The following CD44 variants were observed in gnomAD, a reference collection of about 807,000 sequenced individuals.
CD44 encodes the protein CD44 molecule (IN blood group).
Under a neutral mutation model 88.8 loss-of-function variants are expected in CD44, and 49 were observed. The ratio of observed to expected loss-of-function variants is 0.55; its 90% CI spans 0.44 to 0.70. The LOEUF (loss-of-function observed/expected upper bound fraction) is 0.70. Among genes scored for constraint, CD44 ranks in the 30% least tolerant of loss-of-function variants. The probability of loss-of-function intolerance (pLI) is 0.00; values close to 1 mark genes in which losing one functional copy is unlikely to be tolerated. For missense variants in CD44, 883 were observed against 913.8 expected, an observed-to-expected ratio of 0.97 and a Z score of 0.43; for synonymous variants, 325 against 312.3, an observed-to-expected ratio of 1.04 and a Z score of -0.43.
Position 35,189,865 on chromosome 11 carries a change from T to A in CD44, c.467T>A (p.Val156Asp). 2 of 1,614,040 alleles carry A rather than the reference T, an allele frequency of 1.2e-6. No individual in the cohort carries two copies. Among genetic ancestry groups the A allele is most frequent in the Non-Finnish European group, 1.7e-6 (2 of 1,179,936 alleles). ...TIVNRDGTRY[V>D]QKGEYRTNPE... ...GTTAACCGTGATGGCACCCGCTATG[T>A]CCAGAAAGGAGAATACAGAACGAAT... Residue 156 changes from valine (V) to aspartate (D), a missense_variant, in exon 5 of 18, where the codon GTC becomes GAC. This residue lies in a region of CD44 where 252 missense variants were observed against 322.9 expected (regional missense o/e 0.78). Transcript: ENST00000428726.
intron 1 of CD44, among the ~76,000 whole-genome samples, chr11:35,146,074 G>A (rs1426063577): frequency 2.6e-5 from 4 of 151,214 alleles, no homozygotes; most frequent in Non-Finnish European, 4.4e-5. Flanking sequence ...TGGGGGTGGG[G>A]AACGATGGAA....
intron 7 of CD44, 109 bp from the exon 8 acceptor site, chr11:35,200,973 G>A (rs1167984065): frequency 1.2e-6 from 1 of 807,304 alleles, no homozygotes; most frequent in Non-Finnish European, 2.2e-6. Flanking sequence ...ATACAACCTG[G>A]TATAGATGAT....
chr11:35,184,267 G>A (rs1383714759), intron 3 of CD44, among the ~76,000 whole-genome samples: 1 of 152,168 alleles, frequency 6.6e-6, no homozygotes, highest in Non-Finnish European at 1.5e-5. Context: ...GAGCATGAAG[G>A]GGGTCCATGT....
intron 4 of CD44, among the ~76,000 whole-genome samples, chr11:35,187,964 C>T (rs1945859240): frequency 6.6e-6 from 1 of 152,166 alleles, no homozygotes. Context: ...CTCAGCCTCC[C>T]AAAGTGCCAG....
At chr11:35,165,041 T>A (rs945610805) in intron 1 of CD44, among the ~76,000 whole-genome samples, 1 of 152,136 alleles carries the variant, frequency 6.6e-6, no homozygotes, top group Non-Finnish European at 1.5e-5. Flanking sequence ...TCTTAGGGCT[T>A]TGTGGTGGGT....
intron 11 of CD44, 82 bp from the exon 12 acceptor site, chr11:35,208,023 A>G (rs1948044031): frequency 8.7e-6 from 7 of 805,428 alleles, no homozygotes; most frequent in South Asian, 2.8e-5. Context: ...TGAATATTTA[A>G]AAAAATCAGC....
intron 9 of CD44, 106 bp from the exon 10 acceptor site, chr11:35,204,406 A>G (rs1331035278): frequency 9.6e-7 from 1 of 1,047,006 alleles, no homozygotes; most frequent in African/African-American, 1.6e-5. Context: ...TTTCTTTTCT[A>G]CCTTCCCTCC....
intron 15 of CD44, chr11:35,219,095 C>A (rs1949080570): frequency 5.5e-6 from 3 of 546,876 alleles, no homozygotes; most frequent in Non-Finnish European, 9.9e-6. Flanking sequence ...TGAGAATTCT[C>A]ATGTTCCTTG....
At chr11:35,206,059 C>A in intron 10 of CD44, 53 bp from the exon 11 acceptor site, 1 of 1,549,600 alleles carries the variant, frequency 6.5e-7, no homozygotes, top group Non-Finnish European at 8.7e-7. Context: ...CGGTGTATCC[C>A]TGACCAAGCG....
At chr11:35,181,902 A>ATG (rs1565080510) in intron 3 of CD44, among the ~76,000 whole-genome samples, 1 of 59,710 alleles carries the variant, frequency 1.7e-5, no homozygotes, top group Non-Finnish European at 2.9e-5. Context: ...ATAATATAAT[A>ATG]TATAATATAT....
chr11:35,217,355 A>C (rs1948921287), intron 15 of CD44, among the ~76,000 whole-genome samples: 1 of 147,954 alleles, frequency 6.8e-6, no homozygotes, highest in Non-Finnish European at 1.5e-5. Flanking sequence ...GAGTCAGAAA[A>C]GAAAAAAAAA....
intron 1 of CD44, among the ~76,000 whole-genome samples, chr11:35,155,919 G>A (rs1043861062): frequency 4.6e-5 from 7 of 152,096 alleles, no homozygotes; most frequent in East Asian, 1.9e-4. Flanking sequence ...TATTAACATC[G>A]TGGTTGGCAT....
In CD44 at chr11:35,139,309, C is replaced by A. The variant is rs761731619; in HGVS notation, c.6C>A (p.Asp2Glu). The A allele has an allele frequency of 3.3e-5, 51 of 1,561,232 alleles. No homozygotes were observed. The South Asian group carries it at 5.8e-4, about 18-fold the overall frequency. ...CTCCGTTCGCTCCGGACACCATGGA[C>A]AAGTTTTGGTGGCACGCAGCCTGGG... MDKFWWHAAWGL... is the reference protein window; with the variant it reads MEKFWWHAAWGL... Residue 2 changes from aspartate to glutamate, a missense_variant, in exon 1 of 18, where the codon GAC (aspartate) becomes GAA (glutamate). Physicochemically the swap from Asp to Glu is conservative, Grantham distance 45. Coordinates refer to ENST00000428726, the MANE Select transcript of CD44 (RefSeq NM_000610.4).
At chr11:35,196,049 T>C (rs1246312647) in intron 5 of CD44, among the ~76,000 whole-genome samples, 2 of 152,196 alleles carry the variant, frequency 1.3e-5, no homozygotes, top group Non-Finnish European at 2.9e-5. Flanking sequence ...TGGAGAATGA[T>C]ATTGGTTGCC....
intron 1 of CD44, among the ~76,000 whole-genome samples, chr11:35,144,700 G>C (rs1858757647): frequency 6.6e-6 from 1 of 152,196 alleles, no homozygotes; most frequent in South Asian, 2.1e-4. Flanking sequence ...GATTTTCTGG[G>C]AGAGTCAGGA....
At chr11:35,205,998 G>C (rs1947799645) in intron 10 of CD44, 114 bp from the exon 11 acceptor site, 1 of 1,383,408 alleles carries the variant, frequency 7.2e-7, no homozygotes, top group Non-Finnish European at 9.4e-7. Context: ...ATACAAGGAA[G>C]ATGGTTTCAT....
intron 1 of CD44, among the ~76,000 whole-genome samples, chr11:35,165,827 C>T (rs116749440): frequency 6.6e-6 from 1 of 152,080 alleles, no homozygotes; most frequent in Non-Finnish European, 1.5e-5. Context: ...CAGATGGGGG[C>T]CCCCGGCTTA....
At chr11:35,179,430 C>T (rs920483610) in intron 2 of CD44, among the ~76,000 whole-genome samples, 2 of 152,112 alleles carry the variant, frequency 1.3e-5, no homozygotes, top group African/African-American at 4.8e-5. Context: ...AAGTTTTTAG[C>T]CACCAGGATG....
chr11:35,196,623 C>A, intron 5 of CD44, 123 bp from the exon 6 acceptor site: 2 of 1,054,938 alleles, frequency 1.9e-6, no homozygotes, highest in Non-Finnish European at 2.6e-6. Context: ...CCTTTCTTTT[C>A]ACCATCTATA....
Sources: gnomAD v4.1 joint callset for allele counts (sites outside exome capture counted in the v4.1 genomes callset) on GRCh38, gnomAD v4.1.1 for gene constraint, gnomAD v4.1.1 regional missense constraint, MANE v1.5 for transcripts, NCBI Gene and HGNC (gene_info 2026-07-23, HGNC 2026-07-21) for gene names.